DNM3: variants seen among roughly 807,000 people sequenced by gnomAD.
The protein encoded by DNM3 is dynamin 3.
A neutral mutation model predicts 101.6 loss-of-function variants in DNM3; 47 were observed. The observed-to-expected ratio is 0.46, with a 90% CI of 0.37 to 0.59. The LOEUF (loss-of-function observed/expected upper bound fraction) is 0.59, where lower values mean the gene tolerates loss of function less well. DNM3 is among the 20% of genes least tolerant of loss of function. DNM3 has a pLI of 0.00. For missense variants in DNM3, 849 were observed against 1,085.7 expected (o/e 0.78, Z 3.06); for synonymous variants, 385 against 387.9 (o/e 0.99, Z 0.09).
chr1:172,168,745 C>G (rs1173850992), intron 14 of DNM3, among the ~76,000 whole-genome samples: 1 of 151,946 alleles, frequency 6.6e-6, no homozygotes, highest in Non-Finnish European at 1.5e-5. Flanking sequence ...CCAGCCAACT[C>G]CACATGAGAC....
At chr1:172,404,557 C>T (rs2070742969) in intron 20 of DNM3, among the ~76,000 whole-genome samples, 1 of 152,102 alleles carries the variant, frequency 6.6e-6, no homozygotes, top group Non-Finnish European at 1.5e-5. Flanking sequence ...TGAGAATTTA[C>T]TGTGCCATAA....
intron 2 of DNM3, among the ~76,000 whole-genome samples, chr1:171,965,320 A>G (rs1208845294): frequency 6.6e-6 from 1 of 151,426 alleles, no homozygotes; most frequent in Non-Finnish European, 1.5e-5. Flanking sequence ...AGGTGGGTGG[A>G]TTGCTTGAGG....
At chr1:172,006,615 A>G (rs1412313908) in intron 4 of DNM3, among the ~76,000 whole-genome samples, 1 of 152,036 alleles carries the variant, frequency 6.6e-6, no homozygotes, top group African/African-American at 2.4e-5. Flanking sequence ...CATGTGGCCA[A>G]TACCCTCCAC....
At chr1:172,414,181 C>T (rs2071347135), downstream of DNM3, among the ~76,000 whole-genome samples, 1 of 152,178 alleles carries the variant, frequency 6.6e-6, no homozygotes, top group African/African-American at 2.4e-5. Flanking sequence ...TGACCTCAAA[C>T]TTTGCTTCCA....
chr1:171,973,580 G>C (rs1238932216), intron 2 of DNM3, among the ~76,000 whole-genome samples: 1 of 151,980 alleles, frequency 6.6e-6, no homozygotes, highest in Non-Finnish European at 1.5e-5. Context: ...ATTTTGCAGT[G>C]GAGGGAACTG....
chr1:172,171,550 A>T (rs2058962192), intron 14 of DNM3, among the ~76,000 whole-genome samples: 1 of 151,696 alleles, frequency 6.6e-6, no homozygotes, highest in Non-Finnish European at 1.5e-5. Flanking sequence ...CAAACTTGTT[A>T]TTTACTTGTC....
chr1:172,080,316 C>T (rs12029864), intron 11 of DNM3, among the ~76,000 whole-genome samples: 10 of 151,946 alleles, frequency 6.6e-5, no homozygotes, highest in Non-Finnish European at 1.0e-4. Flanking sequence ...TCAGAGATGC[C>T]CTGCCCAGAG....
intron 16 of DNM3, among the ~76,000 whole-genome samples, chr1:172,317,444 C>G (rs1254084177): frequency 6.6e-6 from 1 of 152,132 alleles, no homozygotes; most frequent in Non-Finnish European, 1.5e-5. Flanking sequence ...ATTAATGAAT[C>G]CAGAACCTGG....
At chr1:172,339,676 C>T (rs934118706) in intron 17 of DNM3, among the ~76,000 whole-genome samples, 1 of 152,180 alleles carries the variant, frequency 6.6e-6, no homozygotes, top group African/African-American at 2.4e-5. Flanking sequence ...TACAAGCCCA[C>T]CGTCTTTCAT....
intron 15 of DNM3, among the ~76,000 whole-genome samples, chr1:172,286,508 G>A (rs537206826): frequency 6.6e-6 from 1 of 152,316 alleles, no homozygotes; most frequent in South Asian, 2.1e-4. Flanking sequence ...ACCTGTGGCT[G>A]TTTGGCTTGT....
At chr1:172,383,658 G>A (rs74126213) in intron 18 of DNM3, among the ~76,000 whole-genome samples, 2,057 of 152,226 alleles carry the variant, frequency 0.014, 51 homozygotes, top group African/African-American at 0.045. Context: ...TTTGTGAAGG[G>A]TTTAAAATGG....
intron 2 of DNM3, among the ~76,000 whole-genome samples, chr1:171,922,341 T>G (rs2040243784): frequency 6.6e-6 from 1 of 152,120 alleles, no homozygotes; most frequent in Non-Finnish European, 1.5e-5. Flanking sequence ...TTTCAGCAAC[T>G]GATGATGTTG....
At chr1:171,890,400 C>T (rs965773251) in intron 1 of DNM3, among the ~76,000 whole-genome samples, 8 of 152,148 alleles carry the variant, frequency 5.3e-5, no homozygotes, top group African/African-American at 1.7e-4. Context: ...CAGATGCCTT[C>T]CTAGAGATAA....
intron 2 of DNM3, among the ~76,000 whole-genome samples, chr1:171,933,568 G>A (rs1214932518): frequency 2.6e-5 from 4 of 152,082 alleles, no homozygotes; most frequent in Admixed American, 6.5e-5. Flanking sequence ...AGATGGGAGC[G>A]GCTTATGTGT....
intron 14 of DNM3, among the ~76,000 whole-genome samples, chr1:172,215,411 T>A (rs1294875426): frequency 6.6e-6 from 1 of 152,086 alleles, no homozygotes; most frequent in Non-Finnish European, 1.5e-5. Context: ...GTATGCTTGC[T>A]GGGAAATAGA....
intron 11 of DNM3, among the ~76,000 whole-genome samples, chr1:172,077,514 C>G (rs10911004): frequency 0.32 from 48,709 of 152,068 alleles, 8,982 homozygotes; most frequent in Non-Finnish European, 0.4. Context: ...TACATTGTGT[C>G]TTTGCTCTCA....
intron 1 of DNM3, among the ~76,000 whole-genome samples, chr1:171,858,748 G>C (rs1221700407): frequency 2.6e-5 from 4 of 152,118 alleles, no homozygotes; most frequent in Non-Finnish European, 5.9e-5. Flanking sequence ...TTCTGCAGCT[G>C]AGGATAACGA....
chr1:172,315,669 G>A (rs1015544110), intron 16 of DNM3, among the ~76,000 whole-genome samples: 1 of 152,152 alleles, frequency 6.6e-6, no homozygotes, highest in Non-Finnish European at 1.5e-5. Context: ...GAAATGAAGT[G>A]AGAAGGGAAG....
chr1:172,066,951 TTTGTG>T (rs2051720779), intron 10 of DNM3, among the ~76,000 whole-genome samples: 1 of 78,306 alleles, frequency 1.3e-5, no homozygotes, highest in Non-Finnish European at 2.9e-5. Flanking sequence ...TGTCTCTGTG[TTTGTG>T]TGTGTGTGTG....
Sources: gnomAD v4.1 joint callset for allele counts (sites outside exome capture counted in the v4.1 genomes callset) on GRCh38, gnomAD v4.1.1 for gene constraint, MANE v1.5 for transcripts, NCBI Gene and HGNC (gene_info 2026-07-23, HGNC 2026-07-21) for gene names.